SLC14A2: variants seen among roughly 807,000 people sequenced by gnomAD.
SLC14A2 encodes the protein solute carrier family 14 member 2.
SLC14A2 carries 91 observed loss-of-function variants against 104.6 expected under a neutral mutation model. The ratio of observed to expected loss-of-function variants is 0.87; its 90% CI spans 0.73 to 1.04. The LOEUF (loss-of-function observed/expected upper bound fraction) is 1.04, where lower values mean the gene tolerates loss of function less well. Among genes scored for constraint, SLC14A2 ranks in the 50% least tolerant of loss-of-function variants. The pLI, the probability that SLC14A2 is intolerant of heterozygous loss-of-function variation, is 0.00. For missense variants in SLC14A2, 1,189 were observed against 1,156.0 expected (o/e 1.03, Z -0.41); for synonymous variants, 476 against 466.4 (o/e 1.02, Z -0.27).
intron 1 of SLC14A2, among the ~76,000 whole-genome samples, chr18:45,348,173 A>G (rs62090681): frequency 0.035 from 5,357 of 152,336 alleles, 123 homozygotes; most frequent in Middle Eastern, 0.044. Flanking sequence ...GCACTGGCTC[A>G]AAGCCTGCAG....
chr18:45,426,698 T>C (rs866171499), intron 1 of SLC14A2, among the ~76,000 whole-genome samples: 2,988 of 140,944 alleles, frequency 0.021, 125 homozygotes, highest in African/African-American at 0.075. Flanking sequence ...TATACATACA[T>C]ACACACACAC....
chr18:45,479,171 A>G (rs1283576756), intron 1 of SLC14A2, among the ~76,000 whole-genome samples: 2 of 152,218 alleles, frequency 1.3e-5, no homozygotes, highest in Non-Finnish European at 2.9e-5. Flanking sequence ...TTCAAAAGGA[A>G]GTGGGCAGGG....
chr18:45,191,671 TAAAC>T, the SLC14A2 span, among the ~76,000 whole-genome samples: 1 of 152,158 alleles, frequency 6.6e-6, no homozygotes, highest in South Asian at 2.1e-4. Context: ...TTTCTCCAAA[TAAAC>T]CTGCCCTTTC....
chr18:45,220,189 A>G (rs1258025122), intron 1 of SLC14A2, among the ~76,000 whole-genome samples: 1 of 152,188 alleles, frequency 6.6e-6, no homozygotes, highest in Non-Finnish European at 1.5e-5. Flanking sequence ...CAAGCAGCTG[A>G]TTTGGAAGTT....
At chr18:45,637,489 T>C (rs533610445) in intron 6 of SLC14A2, among the ~76,000 whole-genome samples, 1 of 152,298 alleles carries the variant, frequency 6.6e-6, no homozygotes, top group Non-Finnish European at 1.5e-5. Context: ...CAGATAAGCG[T>C]TGACAGTACA....
At chr18:45,575,699 T>A (rs1188728341) in intron 2 of SLC14A2, among the ~76,000 whole-genome samples, 2 of 152,188 alleles carry the variant, frequency 1.3e-5, no homozygotes, top group African/African-American at 4.8e-5. Flanking sequence ...TAATCAAGAC[T>A]TCAATCTCAA....
chr18:45,632,576 A>G, intron 5 of SLC14A2, 98 bp downstream of exon 5: 1 of 1,371,442 alleles, frequency 7.3e-7, no homozygotes. Flanking sequence ...TGTGGGACCC[A>G]GCCCCTTCAT....
chr18:45,621,701 T>G (rs1188612431), intron 1 of SLC14A2, among the ~76,000 whole-genome samples: 1 of 152,210 alleles, frequency 6.6e-6, no homozygotes, highest in African/African-American at 2.4e-5. Context: ...ACCGTCCTCA[T>G]GAAACCTAAG....
In SLC14A2 at chr18:45,441,027, T is replaced by C. The variant is rs370712534; in HGVS notation, c.-124-42206T>C. ...ACTTCTCTATTTCTGGTCTCCTATT[T>C]TTGCCCAATCTCTGGAGCTGAACTG... On this transcript the variant is annotated intron_variant, in intron 1 of 20. Transcript: ENST00000586448. Among the ~76,000 whole-genome samples, 55 of 152,284 alleles carry C rather than the reference T, an allele frequency of 3.6e-4. No homozygotes were observed. In the Middle Eastern group the frequency reaches 0.01, roughly 28 times the overall value.
intron 2 of SLC14A2, among the ~76,000 whole-genome samples, chr18:45,487,743 G>T (rs2087636984): frequency 6.6e-6 from 1 of 152,142 alleles, no homozygotes; most frequent in African/African-American, 2.4e-5. Context: ...GACCCCTTGG[G>T]GATACCTAAA....
intron 1 of SLC14A2, among the ~76,000 whole-genome samples, chr18:45,352,276 C>T (rs2085510901): frequency 6.6e-6 from 1 of 152,074 alleles, no homozygotes; most frequent in Non-Finnish European, 1.5e-5. Flanking sequence ...AAGGGAATGA[C>T]ACACACACAA....
At chr18:45,202,632 A>C in the SLC14A2 span, among the ~76,000 whole-genome samples, 4 of 152,152 alleles carry the variant, frequency 2.6e-5, no homozygotes, top group Non-Finnish European at 5.9e-5. Context: ...TTCAGTTTGG[A>C]AATTACTATA....
At chr18:45,645,028 C>T (rs2045595423) in intron 10 of SLC14A2, among the ~76,000 whole-genome samples, 1 of 152,094 alleles carries the variant, frequency 6.6e-6, no homozygotes, top group Non-Finnish European at 1.5e-5. Flanking sequence ...CCTCCCATCC[C>T]CCAACAGGGC....
chr18:45,567,834 A>T (rs1003157504), intron 2 of SLC14A2, among the ~76,000 whole-genome samples: 2 of 152,184 alleles, frequency 1.3e-5, no homozygotes, highest in African/African-American at 4.8e-5. Context: ...TTAACAGGCA[A>T]GTGCAAGTGA....
chr18:45,665,325 CTT>C (rs1229014763), intron 11 of SLC14A2, among the ~76,000 whole-genome samples: 1 of 152,168 alleles, frequency 6.6e-6, no homozygotes, highest in Non-Finnish European at 1.5e-5. Context: ...AAGAAGGAAA[CTT>C]CCAGGGGCCT....
intron 1 of SLC14A2, among the ~76,000 whole-genome samples, chr18:45,449,247 A>G (rs2086820417): frequency 6.6e-6 from 1 of 152,240 alleles, no homozygotes; most frequent in South Asian, 2.1e-4. Context: ...GATAAAGACT[A>G]TGAAAGAGCA....
chr18:45,308,922 G>A (rs907151929), intron 1 of SLC14A2, among the ~76,000 whole-genome samples: 2 of 152,138 alleles, frequency 1.3e-5, no homozygotes, highest in Admixed American at 6.5e-5. Flanking sequence ...GGATAGCACA[G>A]GAGGCATTTT....
intron 1 of SLC14A2, among the ~76,000 whole-genome samples, chr18:45,316,424 G>A (rs2085130036): frequency 1.3e-5 from 2 of 152,346 alleles, no homozygotes; most frequent in South Asian, 2.1e-4. Context: ...AGGGGAAGGT[G>A]AAGGGCTTGT....
At chr18:45,386,560 C>T (rs572948138) in intron 1 of SLC14A2, among the ~76,000 whole-genome samples, 1 of 152,360 alleles carries the variant, frequency 6.6e-6, no homozygotes, top group South Asian at 2.1e-4. Context: ...AGATTTGCTT[C>T]CTGCCCCATG....
Sources: allele counts gnomAD v4.1 joint callset (sites outside exome capture counted in the v4.1 genomes callset), GRCh38; gene constraint gnomAD v4.1.1; transcripts MANE v1.5; gene names NCBI Gene and HGNC (gene_info 2026-07-23, HGNC 2026-07-21).